Variants in DEUP1 observed in about 807,000 individuals in gnomAD.
DEUP1 encodes coiled-coil domain containing 67.
DEUP1 carries 82 observed loss-of-function variants against 87.4 expected under a neutral mutation model. The observed-to-expected ratio is 0.94, with a 90% confidence interval of 0.78 to 1.13. DEUP1 has a LOEUF of 1.13. DEUP1 is among the 50% of genes most tolerant of loss of function. DEUP1 has a pLI of 0.00. For synonymous variants in DEUP1, 214 were observed against 222.7 expected, an observed-to-expected ratio of 0.96 and a Z score of 0.35; for missense variants, 663 against 681.5, an observed-to-expected ratio of 0.97 and a Z score of 0.30.
At chr11:93,346,837 C>T (rs1295147610) in intron 2 of DEUP1, among the ~76,000 whole-genome samples, 1 of 152,100 alleles carries the variant, frequency 6.6e-6, no homozygotes, top group Non-Finnish European at 1.5e-5. Flanking sequence ...TGATTTGGCT[C>T]TCAGCTTAAC....
chr11:93,383,619 AT>A (rs1253038887), intron 7 of DEUP1: 2 of 669,216 alleles, frequency 3.0e-6, no homozygotes, highest in Admixed American at 4.1e-5. Context: ...TGGTATGTGG[AT>A]TATATTTCAA....
At chr11:93,376,332 A>G (rs941215920) in intron 7 of DEUP1, among the ~76,000 whole-genome samples, 1 of 152,026 alleles carries the variant, frequency 6.6e-6, no homozygotes, top group Non-Finnish European at 1.5e-5. Flanking sequence ...GGTTTAATCT[A>G]GGAGGGTTTA....
At chr11:93,414,120 G>A (rs1947529248) in intron 12 of DEUP1, among the ~76,000 whole-genome samples, 3 of 152,126 alleles carry the variant, frequency 2.0e-5, no homozygotes, top group African/African-American at 7.2e-5. Context: ...AAAGTTACCT[G>A]CTCAAGATCA....
Position 93,355,459 on chromosome 11 carries a change from AT to A in DEUP1, c.119del (p.Met40SerfsTer8). On this transcript the variant is annotated frameshift_variant, in exon 3 of 14. Coordinates refer to ENST00000298050, the MANE Select transcript of DEUP1 (RefSeq NM_181645.4). LOFTEE classifies it high-confidence loss of function. ...CAAGAAAATGGATTGGGAAAGAAAG[AT>A]GCGGGCTTTGGAGACACGATTAGAT... is the stretch of plus-strand genomic sequence containing the variant. ...SNKKMDWERK[M>X]RALETRLDLR... The A allele has an allele frequency of 6.2e-7, 1 of 1,613,870 alleles. No individual in the cohort carries two copies. Among genetic ancestry groups the A allele is most frequent in the Non-Finnish European group, 8.5e-7 (1 of 1,179,806 alleles).
intron 13 of DEUP1, among the ~76,000 whole-genome samples, chr11:93,415,636 C>A (rs181696108): frequency 5.5e-4 from 83 of 152,012 alleles, no homozygotes; most frequent in African/African-American, 1.9e-3. Context: ...CCAGTCTCTA[C>A]TTCTGCTTGC....
At chr11:93,405,836 T>TA (rs1360083396) in intron 11 of DEUP1, among the ~76,000 whole-genome samples, 2 of 151,948 alleles carry the variant, frequency 1.3e-5, no homozygotes, top group Non-Finnish European at 2.9e-5. Flanking sequence ...TTCTAAGCTG[T>TA]AATCATTCAT....
intron 12 of DEUP1, among the ~76,000 whole-genome samples, 153 bp from the exon 13 acceptor site, chr11:93,414,847 G>A (rs922817675): frequency 1.3e-5 from 2 of 152,112 alleles, no homozygotes; most frequent in East Asian, 3.9e-4. Flanking sequence ...TATTCATCAG[G>A]AAAGTCATAT....
chr11:93,359,955 C>T (rs547042332), intron 4 of DEUP1, among the ~76,000 whole-genome samples: 3 of 152,130 alleles, frequency 2.0e-5, no homozygotes, highest in South Asian at 2.1e-4. Flanking sequence ...ATCAACCCAT[C>T]GTGACATTGG....
intron 11 of DEUP1, among the ~76,000 whole-genome samples, chr11:93,405,062 T>TA (rs60310351): frequency 0.25 from 37,374 of 151,592 alleles, 4,943 homozygotes; most frequent in Middle Eastern, 0.37. Flanking sequence ...CAACATTGGA[T>TA]AAAAAAAATC....
At chr11:93,389,434 C>T (rs915540365) in intron 9 of DEUP1, among the ~76,000 whole-genome samples, 7 of 152,150 alleles carry the variant, frequency 4.6e-5, no homozygotes, top group Non-Finnish European at 7.3e-5. Context: ...CAACCACACA[C>T]GTAAGCTTGG....
intron 13 of DEUP1, among the ~76,000 whole-genome samples, chr11:93,429,362 AG>A (rs1185615424): frequency 1.3e-5 from 2 of 152,200 alleles, no homozygotes; most frequent in East Asian, 3.9e-4. Flanking sequence ...AGAAATTCTA[AG>A]GGGACTTTGC....
chr11:93,394,422 A>G (rs1946870748), intron 9 of DEUP1, 37 bp from the exon 10 acceptor site: 2 of 1,443,124 alleles, frequency 1.4e-6, no homozygotes, highest in Non-Finnish European at 1.8e-6. Context: ...TATAAATAAA[A>G]GGATTCAATA....
chr11:93,361,319 T>A (rs528766844), intron 4 of DEUP1, among the ~76,000 whole-genome samples: 7 of 151,910 alleles, frequency 4.6e-5, no homozygotes, highest in Non-Finnish European at 1.0e-4. Context: ...AAAGAAGGAA[T>A]CTTAAGACAT....
intron 4 of DEUP1, 126 bp from the exon 5 acceptor site, chr11:93,364,034 T>A (rs1945299227): frequency 2.9e-6 from 2 of 678,846 alleles, no homozygotes; most frequent in Non-Finnish European, 4.9e-6. Context: ...ATTGAAACAT[T>A]TAAGCTTTAC....
At chr11:93,419,138 T>A (rs958103309) in intron 13 of DEUP1, among the ~76,000 whole-genome samples, 2 of 150,788 alleles carry the variant, frequency 1.3e-5, no homozygotes, top group Admixed American at 1.3e-4. Flanking sequence ...CATATGTAAC[T>A]AACCTGCACA....
intron 10 of DEUP1, among the ~76,000 whole-genome samples, chr11:93,394,943 A>C (rs1397881702): frequency 2.7e-5 from 4 of 146,814 alleles, no homozygotes; most frequent in Non-Finnish European, 4.6e-5. Context: ...ACTCTAATCA[A>C]ATATTTCTTC....
intron 12 of DEUP1, among the ~76,000 whole-genome samples, chr11:93,412,927 T>A (rs1190538379): frequency 1.3e-5 from 2 of 152,086 alleles, no homozygotes; most frequent in Non-Finnish European, 2.9e-5. Context: ...AAAAGATACA[T>A]CTCAAGATAA....
intron 11 of DEUP1, among the ~76,000 whole-genome samples, chr11:93,403,516 TTC>T (rs1002771451): frequency 6.6e-6 from 1 of 151,816 alleles, no homozygotes; most frequent in Non-Finnish European, 1.5e-5. Context: ...CTCTTCTATA[TTC>T]TGTTTATAAT....
chr11:93,345,618 G>A (rs373628643), intron 2 of DEUP1, among the ~76,000 whole-genome samples: 2 of 152,140 alleles, frequency 1.3e-5, no homozygotes, highest in East Asian at 3.9e-4. Flanking sequence ...CAGTAATGTT[G>A]AGCCTTTTTT....
Sources: gnomAD v4.1 joint callset for allele counts (sites outside exome capture counted in the v4.1 genomes callset) on GRCh38, gnomAD v4.1.1 for gene constraint, MANE v1.5 for transcripts, NCBI Gene and HGNC (gene_info 2026-07-23, HGNC 2026-07-21) for gene names.